The following ARL5B variants were observed in gnomAD, a reference collection of about 807,000 sequenced individuals.
ARL5B encodes ADP-ribosylation factor-like protein 5B.
Under a neutral mutation model 26.9 loss-of-function variants are expected in ARL5B, and 10 were observed. That is an observed-to-expected ratio of 0.37 (90% CI 0.23 to 0.63). ARL5B has a LOEUF of 0.63. Among genes scored for constraint, ARL5B ranks in the 30% least tolerant of loss-of-function variants. The probability of loss-of-function intolerance (pLI) is 0.62; values close to 1 mark genes in which losing one functional copy is unlikely to be tolerated. For synonymous variants in ARL5B, 87 were observed against 70.4 expected, an observed-to-expected ratio of 1.24 and a Z score of -1.18; for missense variants, 167 against 213.9, an observed-to-expected ratio of 0.78 and a Z score of 1.37.
Position 18,673,971 on chromosome 10 carries a change from G to A in ARL5B, c.340-13G>A, listed in dbSNP as rs1164595931. On this transcript the variant is annotated splice_polypyrimidine_tract_variant and intron_variant, in intron 4 of 5. Transcript: ENST00000377275. ...GTATTTCACATATTAGAAATATTTT[G>A]TCTTGATTGCAGGATTTACGGAAGG... The A allele has an allele frequency of 1.3e-6, 2 of 1,586,876 alleles. No homozygotes were observed. Among genetic ancestry groups the A allele is most frequent in the South Asian group, 2.3e-5 (2 of 87,464 alleles).
chr10:18,659,808 G>T, intron 1 of ARL5B, 125 bp downstream of exon 1: 1 of 1,514,786 alleles, frequency 6.6e-7, no homozygotes, highest in Non-Finnish European at 8.8e-7. Context: ...TAGGCCAGGG[G>T]GCGGGCAGAA....
In ARL5B at chr10:18,677,301, G is replaced by A. The variant is rs2059914550; in HGVS notation, c.*2085G>A. 1 of 151,968 alleles carries A rather than the reference G, an allele frequency of 6.6e-6. No individual in the cohort carries two copies. The highest frequency in any genetic ancestry group is 1.5e-5 in the Non-Finnish European group (1 of 67,758). 9.4% of individuals were successfully genotyped at this position (151,968 alleles called of 1,614,324 possible). On this transcript the variant is annotated 3_prime_UTR_variant, in exon 6 of 6. Coordinates refer to ENST00000377275, the MANE Select transcript of ARL5B (RefSeq NM_178815.5). ...ACCACATCAGCATTATATTAAAAGT[G>A]TTTTTAATAGTTGATTGTATTTTGC... is the stretch of plus-strand genomic sequence containing the variant.
At position 18,680,926 on chromosome 10, in the gene ARL5B, TGTACTCA is replaced by T. The variant is rs1230386048; in HGVS notation, c.*5714_*5720del. The T allele has an allele frequency of 6.6e-6, 1 of 152,206 alleles. No homozygotes were observed. Among genetic ancestry groups the T allele is most frequent in the African/African-American group, 2.4e-5 (1 of 41,464 alleles). 9.4% of individuals were successfully genotyped at this position (152,206 alleles called of 1,614,324 possible). On this transcript the variant is annotated 3_prime_UTR_variant, in exon 6 of 6. Coordinates refer to ENST00000377275, the MANE Select transcript of ARL5B (RefSeq NM_178815.5). The stretch of plus-strand genomic sequence containing the variant: ...GCATTAAAGAGGAAGCAGCAGGCCC[TGTACTCA>T]GTATTTATTATTTCTTGCCTCAGAA...
intron 3 of ARL5B, among the ~76,000 whole-genome samples, chr10:18,670,003 A>AG (rs2059879640): frequency 6.6e-6 from 1 of 151,784 alleles, no homozygotes; most frequent in South Asian, 2.1e-4. Flanking sequence ...TCAAAAAAAA[A>AG]AAAAAAAAAA....
intron 4 of ARL5B, among the ~76,000 whole-genome samples, chr10:18,673,586 A>G (rs1340314418): frequency 1.3e-5 from 2 of 152,198 alleles, no homozygotes; most frequent in African/African-American, 4.8e-5. Flanking sequence ...TGAAATGAAT[A>G]TTAACCAATG....
Position 18,679,447 on chromosome 10 carries a change from A to G in ARL5B, c.*4231A>G, listed in dbSNP as rs1335971204. The G allele has an allele frequency of 6.6e-6, 1 of 151,926 alleles. No individual in the cohort carries two copies. Among genetic ancestry groups the G allele is most frequent in the Non-Finnish European group, 1.5e-5 (1 of 67,818 alleles). The allele number at this position is 151,926 out of a possible 1,614,324, so 9.4% of individuals were successfully genotyped here. A position where few individuals can be genotyped will look rare whatever the true frequency, so the allele number is the denominator to read the frequency against. ...AATGTCTACATAAATGTCTACATAA[A>G]TCTGAAAGTGGTTTATATTCAAGGT... On this transcript the variant is annotated 3_prime_UTR_variant, in exon 6 of 6. Coordinates refer to ENST00000377275, the MANE Select transcript of ARL5B (RefSeq NM_178815.5).
chr10:18,671,300 G>A (rs2059885968), intron 3 of ARL5B, among the ~76,000 whole-genome samples: 2 of 151,910 alleles, frequency 1.3e-5, no homozygotes, highest in African/African-American at 2.4e-5. Context: ...AGCCTCCGAA[G>A]TAGCAGGGAC....
intron 3 of ARL5B, among the ~76,000 whole-genome samples, chr10:18,669,065 G>A (rs896047613): frequency 1.4e-4 from 21 of 152,066 alleles, no homozygotes; most frequent in African/African-American, 4.8e-4. Flanking sequence ...CACCGTGGCC[G>A]GCCTTTTAAT....
In ARL5B at chr10:18,680,856, A is replaced by G. The variant is rs2059929154; in HGVS notation, c.*5640A>G. The G allele has an allele frequency of 6.6e-6, 1 of 152,192 alleles. No individual in the cohort carries two copies. Among genetic ancestry groups the G allele is most frequent in the Non-Finnish European group, 1.5e-5 (1 of 68,016 alleles). The allele number at this position is 152,192 out of a possible 1,614,324, so 9.4% of individuals were successfully genotyped here. The stretch of plus-strand genomic sequence containing the variant: ...GCGTTTATTCTAATCAGAGTGAATG[A>G]TTATAATCACACTTTGCTATTTTAA... On this transcript the variant is annotated 3_prime_UTR_variant, in exon 6 of 6. Transcript: ENST00000377275.
intron 1 of ARL5B, among the ~76,000 whole-genome samples, chr10:18,661,268 T>C (rs564823606): frequency 2.0e-5 from 3 of 152,372 alleles, no homozygotes; most frequent in African/African-American, 7.2e-5. Flanking sequence ...TTTCCCTTTA[T>C]ATCCTTTCCC....
rs1352434860 is a variant in ARL5B, at chr10:18,660,592, T to C, written c.46+909T>C. Among the ~76,000 whole-genome samples, 5 of 152,210 alleles carry C rather than the reference T, an allele frequency of 3.3e-5. No individual in the cohort carries two copies. The South Asian group carries it at 1.0e-3, about 32-fold the overall frequency. On this transcript the variant is annotated intron_variant, in intron 1 of 5. Transcript: ENST00000377275. ...TGGTACCAATTTGTTACTGCTAATG[T>C]AGGTATCTAATCTTTTTCTGGATTT...
chr10:18,663,457 GCCAATTGCGTATGATTATTGT>G (rs1175501091), intron 1 of ARL5B, among the ~76,000 whole-genome samples: 1 of 151,656 alleles, frequency 6.6e-6, no homozygotes, highest in Non-Finnish European at 1.5e-5. Flanking sequence ...AACACTGGTT[GCCAATTGCGTATGATTATTGT>G]CCTTTACTTC....
At chr10:18,665,506 C>G (rs893479561) in intron 1 of ARL5B, among the ~76,000 whole-genome samples, 1 of 152,076 alleles carries the variant, frequency 6.6e-6, no homozygotes, top group South Asian at 2.1e-4. Context: ...CTGCACATCT[C>G]AAGAACTTAA....
At chr10:18,661,900 G>A (rs1387925216) in intron 1 of ARL5B, among the ~76,000 whole-genome samples, 1 of 152,158 alleles carries the variant, frequency 6.6e-6, no homozygotes, top group Non-Finnish European at 1.5e-5. Flanking sequence ...GTGTTAGTTT[G>A]CTTGCGAGGA....
At chr10:18,660,358 A>G (rs1262571369) in intron 1 of ARL5B, among the ~76,000 whole-genome samples, 1 of 152,184 alleles carries the variant, frequency 6.6e-6, no homozygotes, top group Non-Finnish European at 1.5e-5. Flanking sequence ...AAGTTGCAAA[A>G]CCTGTTCTGA....
At chr10:18,673,140 G>A (rs1394200387) in intron 4 of ARL5B, among the ~76,000 whole-genome samples, 1 of 151,864 alleles carries the variant, frequency 6.6e-6, no homozygotes, top group Non-Finnish European at 1.5e-5. Context: ...TTGGCTCACT[G>A]CAACCTCCGC....
chr10:18,681,489 A>T lies in ARL5B; in HGVS notation c.*6273A>T, dbSNP rs1435667403. Reference sequence around the variant, plus strand: ...AATGAGTTGTTTGCATGCCTACTTAACCCAAGTAAAACGATGCTGTTTGCT... The same window carrying T: ...AATGAGTTGTTTGCATGCCTACTTATCCCAAGTAAAACGATGCTGTTTGCT... On this transcript the variant is annotated 3_prime_UTR_variant, in exon 6 of 6. Coordinates refer to ENST00000377275, the MANE Select transcript of ARL5B (RefSeq NM_178815.5). 1.3e-5 allele frequency: 2 copies of T among 151,972 alleles called. No homozygotes were observed. Among genetic ancestry groups the T allele is most frequent in the African/African-American group, 2.4e-5 (1 of 41,396 alleles). The allele number at this position is 151,972 out of a possible 1,614,324, so 9.4% of individuals were successfully genotyped here.
intron 1 of ARL5B, among the ~76,000 whole-genome samples, chr10:18,661,304 C>T (rs2059835384): frequency 6.6e-6 from 1 of 152,204 alleles, no homozygotes; most frequent in Non-Finnish European, 1.5e-5. Context: ...TTTTCTGTTA[C>T]ATGGCTGCTG....
At chr10:18,673,148 C>T (rs949780644) in intron 4 of ARL5B, among the ~76,000 whole-genome samples, 2 of 151,976 alleles carry the variant, frequency 1.3e-5, no homozygotes, top group South Asian at 2.1e-4. Flanking sequence ...CTGCAACCTC[C>T]GCCTCCTGGG....
Sources: gnomAD v4.1 joint callset for allele counts (sites outside exome capture counted in the v4.1 genomes callset) on GRCh38, gnomAD v4.1.1 for gene constraint, MANE v1.5 for transcripts, NCBI Gene and HGNC (gene_info 2026-07-23, HGNC 2026-07-21) for gene names.